TAFA1: variants seen among roughly 807,000 people sequenced by gnomAD.
TAFA1 encodes the protein chemokine-like protein TAFA-1.
A neutral mutation model predicts 18.5 loss-of-function variants in TAFA1; 4 were observed. The ratio of observed to expected loss-of-function variants is 0.22; its 90% CI spans 0.11 to 0.49. The LOEUF (loss-of-function observed/expected upper bound fraction) is 0.49. TAFA1 is among the 20% of genes least tolerant of loss of function. TAFA1 has a pLI of 0.98. For missense variants in TAFA1, 147 were observed against 169.0 expected (o/e 0.87, Z 0.72); for synonymous variants, 56 against 55.2 (o/e 1.01, Z -0.06).
intron 2 of TAFA1, among the ~76,000 whole-genome samples, chr3:68,222,857 G>A (rs558390196): frequency 1.7e-4 from 26 of 152,036 alleles, no homozygotes; most frequent in Middle Eastern, 3.4e-3. Flanking sequence ...ATTTTTAGTA[G>A]AGATGGGGTT....
chr3:68,072,390 G>A (rs1292444531), intron 2 of TAFA1, among the ~76,000 whole-genome samples: 3 of 152,174 alleles, frequency 2.0e-5, no homozygotes, highest in Non-Finnish European at 4.4e-5. Context: ...GAATTTTAAA[G>A]TGATGGAGAA....
intron 3 of TAFA1, among the ~76,000 whole-genome samples, chr3:68,460,230 A>C (rs1255931987): frequency 6.6e-6 from 1 of 152,142 alleles, no homozygotes. Context: ...CATCCCTTCA[A>C]ATCTCAGAAT....
chr3:68,518,254 T>C (rs1231939961), intron 3 of TAFA1, among the ~76,000 whole-genome samples: 1 of 151,384 alleles, frequency 6.6e-6, no homozygotes, highest in East Asian at 1.9e-4. Context: ...AGTGCCCACA[T>C]CCAAGATTAT....
chr3:68,314,790 G>A lies in TAFA1; in HGVS notation c.119-102490G>A, dbSNP rs549122136. Among the ~76,000 whole-genome samples the A allele has an allele frequency of 5.9e-5, 9 of 151,884 alleles. No homozygotes were observed. In the South Asian group the frequency reaches 6.2e-4, roughly 10 times the overall value. ...AATGAAACAGGAGGAGCTTCAGGAC[G>A]AAAAAGATCATAAATTATGTTTAAA... On this transcript the variant is annotated intron_variant, in intron 2 of 4. Coordinates refer to ENST00000478136, the MANE Select transcript of TAFA1 (RefSeq NM_213609.4).
intron 2 of TAFA1, among the ~76,000 whole-genome samples, chr3:68,321,966 G>A (rs190596484): frequency 6.6e-5 from 10 of 152,230 alleles, no homozygotes; most frequent in East Asian, 1.9e-4. Flanking sequence ...GCATTTCAGC[G>A]CTATCCATTC....
intron 3 of TAFA1, among the ~76,000 whole-genome samples, chr3:68,436,225 T>C (rs2071266552): frequency 6.6e-6 from 1 of 152,182 alleles, no homozygotes; most frequent in African/African-American, 2.4e-5. Flanking sequence ...AGATAAAGTG[T>C]AATGTAGACA....
intron 2 of TAFA1, among the ~76,000 whole-genome samples, chr3:68,335,092 G>A (rs2068949152): frequency 1.3e-5 from 2 of 152,146 alleles, no homozygotes; most frequent in Non-Finnish European, 2.9e-5. Context: ...TCATTCACAA[G>A]CTTCATGAGA....
intron 2 of TAFA1, among the ~76,000 whole-genome samples, chr3:68,204,573 C>T (rs983284750): frequency 2.0e-5 from 3 of 151,594 alleles, no homozygotes; most frequent in Non-Finnish European, 2.9e-5. Context: ...TTTGCAGAGG[C>T]GAAGAAGGCA....
intron 2 of TAFA1, among the ~76,000 whole-genome samples, chr3:68,321,747 A>G (rs989299202): frequency 2.0e-5 from 3 of 152,042 alleles, no homozygotes; most frequent in Admixed American, 1.3e-4. Flanking sequence ...TCTAAGTTTT[A>G]TTAGCTCTGT....
chr3:68,429,253 G>C (rs73837609), intron 3 of TAFA1, among the ~76,000 whole-genome samples: 4,081 of 151,960 alleles, frequency 0.027, 173 homozygotes, highest in African/African-American at 0.092. Flanking sequence ...AGAGTAGTAG[G>C]CTAAAACTGG....
chr3:68,051,679 A>G (rs1173661064), intron 2 of TAFA1, among the ~76,000 whole-genome samples: 1 of 152,142 alleles, frequency 6.6e-6, no homozygotes, highest in African/African-American at 2.4e-5. Context: ...GGCACTGTTT[A>G]TATCATAGTA....
chr3:68,126,984 C>T (rs2065471788), intron 2 of TAFA1, among the ~76,000 whole-genome samples: 1 of 152,164 alleles, frequency 6.6e-6, no homozygotes, highest in Non-Finnish European at 1.5e-5. Context: ...CTGATGAACT[C>T]AAGGTTTCCA....
At chr3:68,090,319 T>C (rs1253114089) in intron 2 of TAFA1, among the ~76,000 whole-genome samples, 1 of 152,168 alleles carries the variant, frequency 6.6e-6, no homozygotes, top group Non-Finnish European at 1.5e-5. Context: ...CGTGTACCCT[T>C]TACTCAGTTT....
At chr3:68,340,633 C>T (rs2069064117) in intron 2 of TAFA1, among the ~76,000 whole-genome samples, 2 of 151,914 alleles carry the variant, frequency 1.3e-5, no homozygotes, top group Non-Finnish European at 2.9e-5. Flanking sequence ...ATGGATATTT[C>T]CTTGAACAGG....
intron 2 of TAFA1, among the ~76,000 whole-genome samples, chr3:68,255,940 GA>G (rs1049376208): frequency 9.9e-5 from 15 of 152,118 alleles, no homozygotes; most frequent in African/African-American, 3.4e-4. Context: ...GATAATTTGT[GA>G]ATGAATTAAT....
chr3:68,034,847 G>A (rs1317270618), intron 2 of TAFA1, among the ~76,000 whole-genome samples: 1 of 151,964 alleles, frequency 6.6e-6, no homozygotes, highest in Non-Finnish European at 1.5e-5. Flanking sequence ...TTTAGAAAGG[G>A]GAAATTTTAA....
upstream of TAFA1, among the ~76,000 whole-genome samples, chr3:67,999,342 A>G (rs960650303): frequency 6.9e-6 from 1 of 145,144 alleles, no homozygotes; most frequent in Non-Finnish European, 1.5e-5. Context: ...GAAGCATACA[A>G]AAGAGTAACA....
chr3:68,065,442 C>T (rs73834809), intron 2 of TAFA1, among the ~76,000 whole-genome samples: 6,312 of 152,106 alleles, frequency 0.041, 195 homozygotes, highest in East Asian at 0.1. Flanking sequence ...TACAAGGGCA[C>T]GTAATGAACG....
intron 2 of TAFA1, among the ~76,000 whole-genome samples, chr3:68,353,234 A>G (rs1385132107): frequency 6.6e-6 from 1 of 152,014 alleles, no homozygotes; most frequent in African/African-American, 2.4e-5. Flanking sequence ...AAGCACTAGT[A>G]GTCTTTGGTC....
Sources: allele counts gnomAD v4.1 joint callset (sites outside exome capture counted in the v4.1 genomes callset), GRCh38; gene constraint gnomAD v4.1.1; transcripts MANE v1.5; gene names NCBI Gene and HGNC (gene_info 2026-07-23, HGNC 2026-07-21).